The following WWOX variants were observed in gnomAD, a reference collection of about 807,000 sequenced individuals.
The protein encoded by WWOX is WW domain containing oxidoreductase.
Under a neutral mutation model 46.2 loss-of-function variants are expected in WWOX, and 69 were observed. The observed-to-expected ratio is 1.49, with a 90% CI of 1.23 to 1.82. WWOX has a LOEUF of 1.82. WWOX is among the 40% of genes most tolerant of loss of function. WWOX has a pLI of 0.00. For missense variants in WWOX, 919 were observed against 542.6 expected, an observed-to-expected ratio of 1.69 and a Z score of -6.89; for synonymous variants, 359 against 202.6, an observed-to-expected ratio of 1.77 and a Z score of -6.56.
In WWOX at chr16:78,108,478, G is replaced by A. The variant is rs1415207243; in HGVS notation, c.163G>A (p.Val55Met). 2 of 1,613,866 alleles carry A rather than the reference G, an allele frequency of 1.2e-6. No homozygotes were observed. Among genetic ancestry groups the A allele is most frequent in the South Asian group, 2.2e-5 (2 of 91,070 alleles). Residue 55 changes from valine (V) to methionine (M), a missense_variant, in exon 2 of 9, where the codon GTG (valine) becomes ATG (methionine). Val to Met is a conservative substitution (Grantham distance 21). Coordinates refer to ENST00000566780, the MANE Select transcript of WWOX (RefSeq NM_016373.4). ...TCCAAAAACTGGAAAAAGAAAACGA[G>A]TGGCAGGAGGTTTGTATGTTGTTGT... ...EHPKTGKRKR[V>M]AGDLPYGWEQ...
At chr16:78,962,772 C>G (rs1208363591) in intron 8 of WWOX, among the ~76,000 whole-genome samples, 2 of 152,172 alleles carry the variant, frequency 1.3e-5, no homozygotes, top group Admixed American at 1.3e-4. Context: ...TCTAACACCT[C>G]AGAAGGCTCA....
intron 8 of WWOX, among the ~76,000 whole-genome samples, chr16:78,512,687 T>G (rs2085390788): frequency 6.6e-6 from 1 of 152,200 alleles, no homozygotes; most frequent in Non-Finnish European, 1.5e-5. Flanking sequence ...CAGGTTTTCA[T>G]GTTATTATGT....
At chr16:78,144,968 C>T (rs1014515030) in intron 4 of WWOX, among the ~76,000 whole-genome samples, 8 of 152,040 alleles carry the variant, frequency 5.3e-5, no homozygotes, top group African/African-American at 1.9e-4. Flanking sequence ...TTATTATTCC[C>T]CTTTCACAGA....
intron 5 of WWOX, among the ~76,000 whole-genome samples, chr16:78,245,503 T>C (rs1263909580): frequency 2.0e-5 from 3 of 152,230 alleles, no homozygotes; most frequent in Admixed American, 1.3e-4. Context: ...CACCTTGAGC[T>C]TGGCTTCAGA....
chr16:78,692,936 A>G (rs1239332874), intron 8 of WWOX, among the ~76,000 whole-genome samples: 1 of 152,222 alleles, frequency 6.6e-6, no homozygotes, highest in Non-Finnish European at 1.5e-5. Flanking sequence ...TTTTAAAGCT[A>G]AAACTTGAGT....
At chr16:78,919,804 TG>T (rs1242540326) in intron 8 of WWOX, among the ~76,000 whole-genome samples, 2 of 152,180 alleles carry the variant, frequency 1.3e-5, no homozygotes, top group Admixed American at 1.3e-4. Context: ...CATGAGCCAC[TG>T]CACCTGACTA....
At position 78,557,689 on chromosome 16, in the gene WWOX, A is replaced by ATTT. The variant is rs34068363; in HGVS notation, c.1056+124958_1056+124960dup. The stretch of plus-strand genomic sequence containing the variant: ...CATAAGTGCATTCCTCTAGGGAAGG[A>ATTT]TTTTTTTTTTTTTTTTTTTTTTTGA... On this transcript the variant is annotated intron_variant, in intron 8 of 8. Transcript: ENST00000566780. Among the ~76,000 whole-genome samples the ATTT allele has an allele frequency of 5.7e-3, 547 of 96,594 alleles. 57 individuals carry two copies. The highest frequency in any genetic ancestry group is 0.026 in the African/African-American group (507 of 19,170). The allele number at this position is 96,594 out of a possible 152,430, so 63.4% of individuals were successfully genotyped here.
chr16:78,770,567 T>C (rs1305873536), intron 8 of WWOX, among the ~76,000 whole-genome samples: 1 of 152,064 alleles, frequency 6.6e-6, no homozygotes, highest in Non-Finnish European at 1.5e-5. Context: ...CCGCTCTCTG[T>C]GGTGCCAGGG....
intron 8 of WWOX, among the ~76,000 whole-genome samples, chr16:78,851,007 C>G (rs1191516365): frequency 1.3e-5 from 2 of 152,090 alleles, no homozygotes; most frequent in Admixed American, 6.5e-5. Flanking sequence ...TTTTGCAGCT[C>G]CTAGAGATAA....
chr16:78,759,223 G>C (rs1482632230), intron 8 of WWOX, among the ~76,000 whole-genome samples: 2 of 152,162 alleles, frequency 1.3e-5, no homozygotes, highest in Non-Finnish European at 2.9e-5. Flanking sequence ...AATCAACTGG[G>C]AACCCATTTC....
intron 8 of WWOX, among the ~76,000 whole-genome samples, chr16:78,773,466 A>G (rs750899126): frequency 1.3e-5 from 2 of 152,182 alleles, no homozygotes; most frequent in Non-Finnish European, 2.9e-5. Context: ...ATTTAAAACA[A>G]TGAGGCGGGC....
At chr16:78,917,110 C>G (rs192417740) in intron 8 of WWOX, among the ~76,000 whole-genome samples, 109 of 152,302 alleles carry the variant, frequency 7.2e-4, no homozygotes, top group Middle Eastern at 3.4e-3. Flanking sequence ...TGCTCTTTTC[C>G]TGGAATTTAG....
chr16:78,422,561 G>A (rs2151957668), intron 6 of WWOX, among the ~76,000 whole-genome samples: 1 of 148,844 alleles, frequency 6.7e-6, no homozygotes, highest in East Asian at 2.0e-4. Context: ...TGCTCAGGCT[G>A]GTTTTGAATA....
chr16:78,353,115 C>T (rs1462671900), intron 5 of WWOX, among the ~76,000 whole-genome samples: 1 of 152,076 alleles, frequency 6.6e-6, no homozygotes, highest in African/African-American at 2.4e-5. Context: ...TTTGATCTTT[C>T]TATTTGTGGT....
rs1232577438 is a variant in WWOX at position 78,350,034 on chromosome 16, G to C, written c.517-36826G>C. Among the ~76,000 whole-genome samples the C allele has an allele frequency of 2.5e-5, 3 of 120,864 alleles. 1 individual carries two copies. The highest frequency in any genetic ancestry group is 3.9e-5 in the Non-Finnish European group (2 of 50,650). The allele number at this position is 120,864 out of a possible 152,430, so 79.3% of individuals were successfully genotyped here. A position where few individuals can be genotyped will look rare whatever the true frequency, so the allele number is the denominator to read the frequency against. ...TCGTACTGTGTATTATTCTCTAGTA[G>C]CCTGCTTTTTATTGAACTTAATGAT... is the stretch of plus-strand genomic sequence containing the variant. On this transcript the variant is annotated intron_variant, in intron 5 of 8. Transcript: ENST00000566780.
At chr16:78,711,442 G>T (rs972516657) in intron 8 of WWOX, among the ~76,000 whole-genome samples, 1 of 152,152 alleles carries the variant, frequency 6.6e-6, no homozygotes, top group African/African-American at 2.4e-5. Context: ...TCAGAATCTT[G>T]TTGAATATTT....
intron 8 of WWOX, among the ~76,000 whole-genome samples, chr16:78,696,894 T>G (rs532459498): frequency 9.2e-5 from 14 of 152,286 alleles, no homozygotes; most frequent in African/African-American, 3.4e-4. Context: ...AGCTCCCACT[T>G]ATAAGTGAAA....
At chr16:78,629,484 C>G (rs781484535) in intron 8 of WWOX, among the ~76,000 whole-genome samples, 3 of 152,198 alleles carry the variant, frequency 2.0e-5, no homozygotes, top group East Asian at 3.8e-4. Flanking sequence ...TCTGATCTTG[C>G]CACCACCCTA....
intron 6 of WWOX, among the ~76,000 whole-genome samples, chr16:78,417,524 A>G (rs1472191606): frequency 6.6e-6 from 1 of 152,224 alleles, no homozygotes; most frequent in African/African-American, 2.4e-5. Flanking sequence ...AAAGGAAAAA[A>G]AAGTATTAAT....
Sources: allele counts gnomAD v4.1 joint callset (sites outside exome capture counted in the v4.1 genomes callset), GRCh38; gene constraint gnomAD v4.1.1; transcripts MANE v1.5; gene names NCBI Gene and HGNC (gene_info 2026-07-23, HGNC 2026-07-21).